BCKDHB: variants seen among roughly 807,000 people sequenced by gnomAD.
BCKDHB encodes the protein 2-oxoisovalerate dehydrogenase subunit beta, mitochondrial.
A neutral mutation model predicts 48.5 loss-of-function variants in BCKDHB; 41 were observed. That is an observed-to-expected ratio of 0.85 (90% CI 0.66 to 1.10). BCKDHB has a LOEUF of 1.10. Ranked by LOEUF, BCKDHB falls within the 50% of genes least tolerant of loss-of-function variation. BCKDHB has a pLI of 0.00. For synonymous variants in BCKDHB, 201 were observed against 174.8 expected, an observed-to-expected ratio of 1.15 and a Z score of -1.18; for missense variants, 496 against 494.2, an observed-to-expected ratio of 1.00 and a Z score of -0.03.
At chr6:80,212,421 CA>C (rs1393731270) in intron 8 of BCKDHB, among the ~76,000 whole-genome samples, 1 of 152,102 alleles carries the variant, frequency 6.6e-6, no homozygotes, top group African/African-American at 2.4e-5. Context: ...AGGCTCTCTG[CA>C]AGAAGAAAAA....
At chr6:80,189,486 A>AAC (rs1773797010) in intron 6 of BCKDHB, among the ~76,000 whole-genome samples, 1 of 152,190 alleles carries the variant, frequency 6.6e-6, no homozygotes. Context: ...GCCCAAACTG[A>AAC]ACACTTGACT....
At chr6:80,199,511 C>A (rs1774282921) in intron 6 of BCKDHB, among the ~76,000 whole-genome samples, 1 of 152,108 alleles carries the variant, frequency 6.6e-6, no homozygotes, top group Non-Finnish European at 1.5e-5. Context: ...GGCGCGATGG[C>A]TCACGCCTGT....
chr6:80,396,010 G>T, the BCKDHB span, among the ~76,000 whole-genome samples: 50 of 152,220 alleles, frequency 3.3e-4, no homozygotes, highest in Non-Finnish European at 5.6e-4. Flanking sequence ...TTCAGAGGAT[G>T]TATGGAAATG....
intron 9 of BCKDHB, among the ~76,000 whole-genome samples, chr6:80,305,536 T>C (rs1403107513): frequency 1.3e-5 from 2 of 152,200 alleles, no homozygotes; most frequent in African/African-American, 4.8e-5. Context: ...GTCCAAGTTA[T>C]AACAAAATCA....
At chr6:80,306,045 A>G (rs1034901668) in intron 9 of BCKDHB, among the ~76,000 whole-genome samples, 1 of 152,146 alleles carries the variant, frequency 6.6e-6, no homozygotes, top group Non-Finnish European at 1.5e-5. Flanking sequence ...CTTCTTCCAT[A>G]TGGCTATCGT....
chr6:80,291,032 A>G (rs1766882408), intron 9 of BCKDHB, among the ~76,000 whole-genome samples: 1 of 152,184 alleles, frequency 6.6e-6, no homozygotes, highest in Admixed American at 6.5e-5. Context: ...TGCAGCCTGT[A>G]TAATCAGCAA....
intron 8 of BCKDHB, among the ~76,000 whole-genome samples, chr6:80,227,718 C>A (rs1163227762): frequency 6.6e-6 from 1 of 152,036 alleles, no homozygotes; most frequent in East Asian, 1.9e-4. Context: ...TAAAGGGAGT[C>A]CTGTGTTTAT....
intron 3 of BCKDHB, among the ~76,000 whole-genome samples, chr6:80,146,596 C>T (rs1771500637): frequency 1.3e-5 from 2 of 152,006 alleles, no homozygotes; most frequent in South Asian, 4.1e-4. Flanking sequence ...AGGTAAAGGA[C>T]TTAGGAGGCT....
At chr6:80,404,683 TAATG>T in the BCKDHB span, among the ~76,000 whole-genome samples, 3 of 152,074 alleles carry the variant, frequency 2.0e-5, no homozygotes, top group Admixed American at 1.3e-4. Context: ...TCTTTTTTCT[TAATG>T]TATGTTGTTA....
chr6:80,313,549 C>T (rs147551673), intron 9 of BCKDHB, among the ~76,000 whole-genome samples: 2,685 of 152,108 alleles, frequency 0.018, 70 homozygotes, highest in African/African-American at 0.059. Context: ...TTAGTAGAGA[C>T]GTGGTTTCAC....
chr6:80,334,878 A>C (rs1395394612), intron 9 of BCKDHB, among the ~76,000 whole-genome samples: 1 of 151,960 alleles, frequency 6.6e-6, no homozygotes, highest in East Asian at 1.9e-4. Context: ...TATTTCAGTC[A>C]TCATTTTTTA....
At chr6:80,227,697 G>A (rs1012137) in intron 8 of BCKDHB, among the ~76,000 whole-genome samples, 7 of 152,106 alleles carry the variant, frequency 4.6e-5, no homozygotes, top group African/African-American at 1.2e-4. Context: ...GTATGTGACC[G>A]TAAAATTCCT....
downstream of BCKDHB, among the ~76,000 whole-genome samples, chr6:80,349,895 T>G (rs556689589): frequency 1.6e-4 from 24 of 152,286 alleles, no homozygotes; most frequent in African/African-American, 5.5e-4. Context: ...ATAGGATATT[T>G]TGGTTATATA....
chr6:80,176,552 C>T (rs75487757), intron 6 of BCKDHB, among the ~76,000 whole-genome samples: 2,172 of 152,134 alleles, frequency 0.014, 51 homozygotes, highest in African/African-American at 0.049. Flanking sequence ...GACCCATTCA[C>T]AGTGTGAGGT....
intron 9 of BCKDHB, among the ~76,000 whole-genome samples, chr6:80,314,505 C>G (rs1768335890): frequency 6.6e-6 from 1 of 152,184 alleles, no homozygotes; most frequent in Non-Finnish European, 1.5e-5. Flanking sequence ...CTCTTGTCAG[C>G]TGTAGTACAC....
At chr6:80,340,545 T>TA (rs1317718838) in intron 9 of BCKDHB, among the ~76,000 whole-genome samples, 8 of 152,240 alleles carry the variant, frequency 5.3e-5, no homozygotes, top group African/African-American at 1.9e-4. Flanking sequence ...AACAGCCCTG[T>TA]AGGCTATGCC....
At chr6:80,168,841 T>C (rs767171476) in intron 4 of BCKDHB, 34 bp from the exon 5 acceptor site, 2 of 1,607,586 alleles carry the variant, frequency 1.2e-6, no homozygotes, top group East Asian at 2.2e-5. Context: ...AAGGACTCAT[T>C]GTGCCATGCC....
the BCKDHB span, among the ~76,000 whole-genome samples, chr6:80,375,130 G>T: frequency 3.9e-4 from 60 of 152,232 alleles, no homozygotes; most frequent in Non-Finnish European, 1.5e-5. Context: ...TATGTGTCTA[G>T]GTGATGATCT....
chr6:80,125,232 A>G (rs2127723629), intron 1 of BCKDHB, among the ~76,000 whole-genome samples: 1 of 152,264 alleles, frequency 6.6e-6, no homozygotes, highest in South Asian at 2.1e-4. Context: ...TGCTATCTTC[A>G]GATTTTTCTT....
Sources: gnomAD v4.1 joint callset for allele counts (sites outside exome capture counted in the v4.1 genomes callset) on GRCh38, gnomAD v4.1.1 for gene constraint, MANE v1.5 for transcripts, NCBI Gene and HGNC (gene_info 2026-07-23, HGNC 2026-07-21) for gene names.